SLC29A3: variants seen among roughly 807,000 people sequenced by gnomAD.
The protein encoded by SLC29A3 is equilibrative nucleoside transporter 3.
In SLC29A3, 18 loss-of-function variants were observed where a neutral mutation model predicts 25.4. The ratio of observed to expected loss-of-function variants is 0.71; its 90% CI spans 0.49 to 1.05. The LOEUF is 1.05. Among genes scored for constraint, SLC29A3 ranks in the 50% least tolerant of loss-of-function variants. The pLI, the probability that SLC29A3 is intolerant of heterozygous loss-of-function variation, is 0.00. For synonymous variants in SLC29A3, 258 were observed against 267.1 expected (o/e 0.97, Z 0.33); for missense variants, 586 against 609.0 (o/e 0.96, Z 0.40).
At chr10:71,352,079 C>T (rs985167937) in intron 4 of SLC29A3, among the ~76,000 whole-genome samples, 1 of 152,092 alleles carries the variant, frequency 6.6e-6, no homozygotes, top group Non-Finnish European at 1.5e-5. Flanking sequence ...TCCTGGCTGG[C>T]GTGTTGATAG....
chr10:71,326,447 C>T, intron 2 of SLC29A3, among the ~76,000 whole-genome samples: 1 of 152,238 alleles, frequency 6.6e-6, no homozygotes, highest in East Asian at 1.9e-4. Context: ...GCAGGCTTAG[C>T]CGGGGTGCTT....
intron 2 of SLC29A3, among the ~76,000 whole-genome samples, chr10:71,334,967 T>G (rs930632553): frequency 6.0e-4 from 91 of 151,104 alleles, no homozygotes; most frequent in Non-Finnish European, 1.1e-3. Flanking sequence ...TTTTTTTTTT[T>G]TTTTGTGCCT....
At chr10:71,363,783 A>AT (rs35956296), downstream of SLC29A3, among the ~76,000 whole-genome samples, 26,618 of 120,626 alleles carry the variant, frequency 0.22, 3,166 homozygotes, top group Non-Finnish European at 0.28. Flanking sequence ...TAATTTGAGG[A>AT]TTTTTTTTTC....
intron 1 of SLC29A3, among the ~76,000 whole-genome samples, chr10:71,322,074 A>G (rs1845857093): frequency 1.3e-5 from 2 of 152,176 alleles, no homozygotes; most frequent in Non-Finnish European, 2.9e-5. Context: ...CCGGTAATAA[A>G]CTAGTCACAT....
At chr10:71,332,562 C>A (rs1440717013) in intron 2 of SLC29A3, among the ~76,000 whole-genome samples, 1 of 152,154 alleles carries the variant, frequency 6.6e-6, no homozygotes, top group African/African-American at 2.4e-5. Context: ...GCTTTGTCAT[C>A]CTAGGAAAAG....
At chr10:71,353,618 GT>G (rs1217764046) in intron 4 of SLC29A3, among the ~76,000 whole-genome samples, 1 of 152,108 alleles carries the variant, frequency 6.6e-6, no homozygotes, top group Non-Finnish European at 1.5e-5. Flanking sequence ...AGTCTAAACC[GT>G]GGTCACCACT....
chr10:71,342,630 A>G, intron 2 of SLC29A3, among the ~76,000 whole-genome samples: 1 of 152,234 alleles, frequency 6.6e-6, no homozygotes, highest in East Asian at 1.9e-4. Context: ...GGGCAGACGC[A>G]GCCCCATCTG....
At chr10:71,356,004 C>T (rs747449326) in intron 4 of SLC29A3, 77 bp from the exon 5 acceptor site, 4 of 1,557,078 alleles carry the variant, frequency 2.6e-6, no homozygotes, top group Admixed American at 1.7e-5. Flanking sequence ...GTTTGTGAAA[C>T]CCAAGCAGGG....
intron 3 of SLC29A3, among the ~76,000 whole-genome samples, chr10:71,370,029 C>T (rs931196896): frequency 1.6e-4 from 24 of 152,300 alleles, no homozygotes; most frequent in African/African-American, 5.5e-4. Context: ...GTGTGAGGGA[C>T]AGGGGCCACC....
In SLC29A3 at chr10:71,349,136, C is replaced by T. The variant is rs144245983; in HGVS notation, c.384-2426C>T. ...AAAGGGAGGGCACATGGGCAGGACACCAGCAGCATTGCTGTAGCTTCTGAC... is the reference window on the plus strand; with the variant it reads ...AAAGGGAGGGCACATGGGCAGGACATCAGCAGCATTGCTGTAGCTTCTGAC... On this transcript the variant is annotated intron_variant, in intron 3 of 5. Transcript: ENST00000373189. Among the ~76,000 whole-genome samples, 202 of 152,296 alleles carry T rather than the reference C, an allele frequency of 1.3e-3. 2 individuals carry two copies. The East Asian group carries it at 0.026, about 20-fold the overall frequency.
At position 71,354,475 on chromosome 10, in the gene SLC29A3, C is replaced by T. The variant is rs12767108; in HGVS notation, c.611-1606C>T. ...TGGAGAGGCTGGGGAAAGGATCCTC[C>T]GTCAGACCAAGGGCTATTCTCTGTA... is the stretch of plus-strand genomic sequence containing the variant. On this transcript the variant is annotated intron_variant, in intron 4 of 5. Coordinates refer to ENST00000373189, the MANE Select transcript of SLC29A3 (RefSeq NM_018344.6). Among the ~76,000 whole-genome samples the T allele has an allele frequency of 6.8e-3, 1,034 of 152,244 alleles. 17 individuals carry two copies. The highest frequency in any genetic ancestry group is 0.024 in the African/African-American group (994 of 41,526).
chr10:71,377,200 G>C (rs746478103), intron 4 of SLC29A3, among the ~76,000 whole-genome samples: 12 of 152,208 alleles, frequency 7.9e-5, no homozygotes, highest in Non-Finnish European at 1.5e-4. Context: ...GGGGCTGATG[G>C]GGAGGTGCCC....
At chr10:71,353,196 C>T (rs569812998) in intron 4 of SLC29A3, among the ~76,000 whole-genome samples, 1 of 152,318 alleles carries the variant, frequency 6.6e-6, no homozygotes, top group Non-Finnish European at 1.5e-5. Context: ...ATCTGTTTGC[C>T]ATTTCTGAGA....
rs763047482 is a variant in SLC29A3, at chr10:71,362,425, C to T, written c.1245C>T (p.Pro415=). 9 of 1,614,092 alleles carry T rather than the reference C, an allele frequency of 5.6e-6. No homozygotes were observed. The highest frequency in any genetic ancestry group is 3.3e-5 in the South Asian group (3 of 91,092). ...KTVVFQSDVY[P]ALLSSLLGLS... The stretch of plus-strand genomic sequence containing the variant: ...TGGTCTTCCAGTCCGATGTGTACCC[C>T]GCACTCCTCAGCTCCCTGCTGGGGC... The change falls in exon 6 of 6, where the codon CCC becomes CCT. Residue 415 remains proline, a synonymous_variant. Transcript: ENST00000373189.
At chr10:71,372,036 G>C (rs1847215425) in intron 3 of SLC29A3, among the ~76,000 whole-genome samples, 1 of 152,226 alleles carries the variant, frequency 6.6e-6, no homozygotes, top group Non-Finnish European at 1.5e-5. Context: ...GAATAAACCA[G>C]ATCTATCGAC....
At chr10:71,351,227 TGAAAAGCAGCA>T (rs1251171699) in intron 3 of SLC29A3, among the ~76,000 whole-genome samples, 2 of 152,108 alleles carry the variant, frequency 1.3e-5, no homozygotes, top group Non-Finnish European at 2.9e-5. Flanking sequence ...CACAGCAAGG[TGAAAAGCAGCA>T]GAACCCACTG....
intron 3 of SLC29A3, among the ~76,000 whole-genome samples, chr10:71,347,783 C>T (rs1313363231): frequency 6.6e-6 from 1 of 152,188 alleles, no homozygotes; most frequent in Non-Finnish European, 1.5e-5. Context: ...TTCTGGAATG[C>T]ATTTGGTATT....
intron 2 of SLC29A3, among the ~76,000 whole-genome samples, chr10:71,338,757 G>A (rs528289925): frequency 6.6e-6 from 1 of 151,418 alleles, no homozygotes; most frequent in African/African-American, 2.4e-5. Flanking sequence ...ACTCTGTCTC[G>A]AAAAAAAAGA....
chr10:71,370,438 G>A (rs1847202341), intron 3 of SLC29A3, among the ~76,000 whole-genome samples: 1 of 152,242 alleles, frequency 6.6e-6, no homozygotes, highest in Non-Finnish European at 1.5e-5. Context: ...GGCCTGTGCT[G>A]ACCAGCAGTT....
Sources: gnomAD v4.1 joint callset for allele counts (sites outside exome capture counted in the v4.1 genomes callset) on GRCh38, gnomAD v4.1.1 for gene constraint, MANE v1.5 for transcripts, NCBI Gene and HGNC (gene_info 2026-07-23, HGNC 2026-07-21) for gene names.